Variants in KLHL2 observed in about 807,000 individuals in gnomAD.
The protein encoded by KLHL2 is kelch like family member 2.
Under a neutral mutation model 75.8 loss-of-function variants are expected in KLHL2, and 15 were observed. The ratio of observed to expected loss-of-function variants is 0.20; its 90% CI spans 0.13 to 0.30. KLHL2 has a LOEUF of 0.30. KLHL2 is among the 10% of genes least tolerant of loss of function. The pLI, the probability that KLHL2 is intolerant of heterozygous loss-of-function variation, is 1.00. For missense variants in KLHL2, 381 were observed against 741.0 expected (o/e 0.51, Z 5.64); for synonymous variants, 214 against 251.9 (o/e 0.85, Z 1.42).
At chr4:165,280,170 A>C (rs1743554899) in intron 5 of KLHL2, among the ~76,000 whole-genome samples, 1 of 152,234 alleles carries the variant, frequency 6.6e-6, no homozygotes, top group African/African-American at 2.4e-5. Context: ...GTAGTCAGTC[A>C]TTTCAAAGCT....
intron 14 of KLHL2, 101 bp from the exon 15 acceptor site, chr4:165,321,931 G>C: frequency 9.8e-7 from 1 of 1,016,720 alleles, no homozygotes; most frequent in Non-Finnish European, 1.6e-6. Flanking sequence ...GATTTGTACA[G>C]TTCCTCCTGC....
At chr4:165,307,143 A>T (rs565804957) in intron 9 of KLHL2, among the ~76,000 whole-genome samples, 1 of 152,254 alleles carries the variant, frequency 6.6e-6, no homozygotes, top group East Asian at 1.9e-4. Flanking sequence ...CCCCTTCTCT[A>T]CTAAAAATAC....
chr4:165,255,115 A>G (rs1741060524), intron 4 of KLHL2, among the ~76,000 whole-genome samples: 1 of 152,234 alleles, frequency 6.6e-6, no homozygotes, highest in African/African-American at 2.4e-5. Flanking sequence ...ACCTTGGGTT[A>G]AAAGTAGTAG....
At chr4:165,245,737 T>C (rs1257051116) in intron 4 of KLHL2, among the ~76,000 whole-genome samples, 2 of 152,122 alleles carry the variant, frequency 1.3e-5, no homozygotes, top group Non-Finnish European at 2.9e-5. Context: ...CACTTGAAGA[T>C]CTAAGATTTG....
rs775969307 is a variant in KLHL2, at chr4:165,279,575, C to T, written c.545-14784C>T. 27 of 1,599,174 alleles carry T rather than the reference C, an allele frequency of 1.7e-5. No individual in the cohort carries two copies. The East Asian group carries it at 4.9e-4, about 29-fold the overall frequency. On this transcript the variant is annotated intron_variant, in intron 5 of 14. Transcript: ENST00000226725. Reference sequence around the variant, plus strand: ...TGTTCTTGAATTGAAAACCAAAAAGCGCGTGGAACTGGTGCCTTGGTCCAC... The same window carrying T: ...TGTTCTTGAATTGAAAACCAAAAAGTGCGTGGAACTGGTGCCTTGGTCCAC...
chr4:165,277,372 C>G (rs1412950600), intron 5 of KLHL2, among the ~76,000 whole-genome samples: 2 of 152,110 alleles, frequency 1.3e-5, no homozygotes, highest in Non-Finnish European at 2.9e-5. Flanking sequence ...TCAGTTTTGG[C>G]AAATACTTTT....
chr4:165,286,763 T>C (rs1160032213), intron 5 of KLHL2, among the ~76,000 whole-genome samples: 1 of 152,180 alleles, frequency 6.6e-6, no homozygotes, highest in Non-Finnish European at 1.5e-5. Flanking sequence ...GCTGACAAGG[T>C]AGGACAGCAG....
At chr4:165,313,579 T>A (rs904279505) in intron 12 of KLHL2, among the ~76,000 whole-genome samples, 2 of 152,204 alleles carry the variant, frequency 1.3e-5, no homozygotes, top group Non-Finnish European at 2.9e-5. Context: ...CATAGACATT[T>A]CTGTTTCATT....
At chr4:165,210,038 A>C in intron 1 of KLHL2, 1 of 1,548,110 alleles carries the variant, frequency 6.5e-7, no homozygotes, top group African/African-American at 1.4e-5. Flanking sequence ...GCTGGGCTAG[A>C]ACAGAGGCCA....
chr4:165,259,604 T>C (rs1004236909), intron 4 of KLHL2, among the ~76,000 whole-genome samples: 2 of 152,244 alleles, frequency 1.3e-5, no homozygotes, highest in African/African-American at 4.8e-5. Flanking sequence ...GAGATATTAT[T>C]GTCTGGCAAG....
At chr4:165,224,056 A>C (rs1237104873) in intron 2 of KLHL2, 1 of 306,202 alleles carries the variant, frequency 3.3e-6, no homozygotes, top group Non-Finnish European at 6.5e-6. Context: ...CTGGGATTAC[A>C]GGTGCGTGCC....
chr4:165,308,971 G>A (rs1420487085), intron 9 of KLHL2, among the ~76,000 whole-genome samples: 1 of 152,140 alleles, frequency 6.6e-6, no homozygotes, highest in African/African-American at 2.4e-5. Context: ...GGGGAATAAA[G>A]CACCAGAGGT....
chr4:165,291,351 C>A (rs1744490616), intron 5 of KLHL2, among the ~76,000 whole-genome samples: 1 of 152,050 alleles, frequency 6.6e-6, no homozygotes, highest in Non-Finnish European at 1.5e-5. Context: ...TCCAACTTAA[C>A]CATTTTTTTT....
Position 165,322,462 on chromosome 4 carries a change from A to G in KLHL2, c.*402A>G, listed in dbSNP as rs944760652. 1 of 159,562 alleles carries G rather than the reference A, an allele frequency of 6.3e-6. No homozygotes were observed. The highest frequency in any genetic ancestry group is 1.4e-5 in the Non-Finnish European group (1 of 72,978). 9.9% of individuals were successfully genotyped at this position (159,562 alleles called of 1,614,324 possible). A position where few individuals can be genotyped will look rare whatever the true frequency, so the allele number is the denominator to read the frequency against. The stretch of plus-strand genomic sequence containing the variant: ...TCTTCTAAAAATCTGTATACCAGGA[A>G]CTGAAAATCTTTGAACAGATATTAA... On this transcript the variant is annotated 3_prime_UTR_variant, in exon 15 of 15. Coordinates refer to ENST00000226725, the MANE Select transcript of KLHL2 (RefSeq NM_007246.4).
At chr4:165,220,149 T>C (rs966400713) in intron 2 of KLHL2, 90 bp downstream of exon 2, 1 of 1,523,298 alleles carries the variant, frequency 6.6e-7, no homozygotes, top group African/African-American at 1.4e-5. Context: ...CCTTCCATTG[T>C]TGCTTTGTCT....
At chr4:165,224,246 T>G (rs1034259461) in intron 2 of KLHL2, among the ~76,000 whole-genome samples, 32 of 152,244 alleles carry the variant, frequency 2.1e-4, no homozygotes, top group African/African-American at 7.7e-4. Flanking sequence ...AAAAACCTAC[T>G]GTTTTTTAGG....
intron 10 of KLHL2, 103 bp downstream of exon 10, chr4:165,310,853 G>GTT: frequency 1.8e-5 from 13 of 725,256 alleles, no homozygotes; most frequent in South Asian, 3.9e-5. Flanking sequence ...GAGGTTTTTT[G>GTT]TGTTTTTTTT....
rs139221386 is a variant in KLHL2 at position 165,319,267 on chromosome 4, T to C, written c.1753+1298T>C. 8.7e-4 allele frequency among the ~76,000 whole-genome samples: 132 copies of C among 152,354 alleles called. No homozygotes were observed. Among genetic ancestry groups the C allele is most frequent in the Admixed American group, 1.4e-3 (22 of 15,298 alleles). ...TATCTCAGTAAAAAGTTCTCTCTCA[T>C]GGTTCTGCCTTATTTTTCATCATGT... is the stretch of plus-strand genomic sequence containing the variant. On this transcript the variant is annotated intron_variant, in intron 14 of 14. Coordinates refer to ENST00000226725, the MANE Select transcript of KLHL2 (RefSeq NM_007246.4). This position sits in a 1 kb window ranked among gnomAD's most constrained non-coding sequence, Gnocchi z 4.5.
Position 165,313,231 on chromosome 4 carries a change from TGTG to T in KLHL2, c.1340-6_1340-4del. On this transcript the variant is annotated splice_region_variant and splice_polypyrimidine_tract_variant and intron_variant, in intron 11 of 14. Coordinates refer to ENST00000226725, the MANE Select transcript of KLHL2 (RefSeq NM_007246.4). ...AAATTTGGCTTTCTATGTGATTTTA[TGTG>T]TAGGTTTGCTCTATGCTGTAGGAGG... 1 of 1,606,698 alleles carries T rather than the reference TGTG, an allele frequency of 6.2e-7. No homozygotes were observed. The highest frequency in any genetic ancestry group is 8.5e-7 in the Non-Finnish European group (1 of 1,177,616).
Sources: gnomAD v4.1 joint callset for allele counts (sites outside exome capture counted in the v4.1 genomes callset) on GRCh38, gnomAD v4.1.1 for gene constraint, Gnocchi (gnomAD v3.1) non-coding constraint, MANE v1.5 for transcripts, NCBI Gene and HGNC (gene_info 2026-07-23, HGNC 2026-07-21) for gene names.